The following GRIP1 variants were observed in gnomAD, a reference collection of about 807,000 sequenced individuals.
GRIP1 encodes glutamate receptor interacting protein 1.
A neutral mutation model predicts 129.9 loss-of-function variants in GRIP1; 45 were observed. The ratio of observed to expected loss-of-function variants is 0.35; its 90% CI spans 0.27 to 0.44. The LOEUF is 0.44. Ranked by LOEUF, GRIP1 falls within the 20% of genes least tolerant of loss-of-function variation. The probability of loss-of-function intolerance (pLI) is 1.00; values close to 1 mark genes in which losing one functional copy is unlikely to be tolerated. For missense variants in GRIP1, 1,196 were observed against 1,396.8 expected (o/e 0.86, Z 2.29); for synonymous variants, 530 against 520.8 (o/e 1.02, Z -0.24).
At chr12:66,860,276 G>A (rs2040088556) in intron 1 of GRIP1, among the ~76,000 whole-genome samples, 1 of 152,046 alleles carries the variant, frequency 6.6e-6, no homozygotes. Context: ...CTTGCTGTGT[G>A]AATGCTTTGC....
chr12:66,490,257 C>T (rs572394053), intron 7 of GRIP1, among the ~76,000 whole-genome samples: 2 of 152,274 alleles, frequency 1.3e-5, no homozygotes, highest in South Asian at 2.1e-4. Context: ...ACCAAAACAA[C>T]ATGGTACTGG....
At chr12:67,032,883 T>A (rs2043043145) in intron 1 of GRIP1, among the ~76,000 whole-genome samples, 1 of 152,186 alleles carries the variant, frequency 6.6e-6, no homozygotes. Context: ...TTTAATATTT[T>A]ATTTAACATT....
chr12:66,775,179 A>G (rs1406179743), intron 1 of GRIP1, among the ~76,000 whole-genome samples: 1 of 152,214 alleles, frequency 6.6e-6, no homozygotes, highest in Non-Finnish European at 1.5e-5. Context: ...GATGTTTTTA[A>G]GGAGCACAGA....
At chr12:66,742,194 G>T (rs2036809866) in intron 1 of GRIP1, among the ~76,000 whole-genome samples, 1 of 152,056 alleles carries the variant, frequency 6.6e-6, no homozygotes, top group Non-Finnish European at 1.5e-5. Context: ...GAGAGGTCTG[G>T]TGTTTCTTTC....
intron 1 of GRIP1, among the ~76,000 whole-genome samples, chr12:66,696,291 G>A (rs1277002525): frequency 1.3e-5 from 2 of 152,088 alleles, no homozygotes; most frequent in Non-Finnish European, 2.9e-5. Context: ...AGCTCTGCAA[G>A]CTCCTTGTCA....
At chr12:66,732,599 T>C (rs2036474806) in intron 1 of GRIP1, among the ~76,000 whole-genome samples, 1 of 151,998 alleles carries the variant, frequency 6.6e-6, no homozygotes, top group Admixed American at 6.6e-5. Context: ...TTGATGACAC[T>C]CTTCCACTTA....
At chr12:66,804,295 C>T, upstream of GRIP1, 1 of 297,144 alleles carries the variant, frequency 3.4e-6, no homozygotes, top group Non-Finnish European at 6.9e-6. Context: ...TGGACCAGGA[C>T]AGCTACCCTT....
intron 1 of GRIP1, among the ~76,000 whole-genome samples, chr12:67,051,059 C>T (rs899789482): frequency 5.3e-5 from 8 of 152,116 alleles, no homozygotes; most frequent in African/African-American, 1.9e-4. Context: ...GACAGACCAG[C>T]AGAAGACATT....
chr12:66,578,860 C>T (rs1473859985), intron 2 of GRIP1, among the ~76,000 whole-genome samples: 1 of 152,210 alleles, frequency 6.6e-6, no homozygotes, highest in Admixed American at 6.5e-5. Context: ...CAGCAGTAAC[C>T]TCTGCAGACT....
intron 16 of GRIP1, among the ~76,000 whole-genome samples, chr12:66,399,647 T>C (rs1182673472): frequency 6.6e-6 from 1 of 151,974 alleles, no homozygotes; most frequent in Non-Finnish European, 1.5e-5. Context: ...GATGCAAAAT[T>C]GCTGCATTAC....
At chr12:66,482,591 T>C (rs1300377380) in intron 7 of GRIP1, among the ~76,000 whole-genome samples, 1 of 152,220 alleles carries the variant, frequency 6.6e-6, no homozygotes, top group Non-Finnish European at 1.5e-5. Flanking sequence ...CCTTGTGGTA[T>C]TAAGCCTGTT....
chr12:66,515,924 T>C (rs1001063653), intron 6 of GRIP1, among the ~76,000 whole-genome samples, 160 bp from the exon 7 acceptor site: 4 of 152,116 alleles, frequency 2.6e-5, no homozygotes, highest in Non-Finnish European at 5.9e-5. Flanking sequence ...TATAAAGAAG[T>C]AACCCTGAAC....
chr12:67,065,269 G>A (rs895869911), intron 1 of GRIP1: 2 of 152,136 alleles, frequency 1.3e-5, no homozygotes, highest in Non-Finnish European at 2.9e-5. Context: ...AGCCCAGGAG[G>A]TAGAGGCTAC....
chr12:66,617,283 C>CAAAA (rs2065083180), intron 1 of GRIP1, among the ~76,000 whole-genome samples: 1 of 53,886 alleles, frequency 1.9e-5, no homozygotes, highest in African/African-American at 9.0e-5. Flanking sequence ...ACACAGCCAA[C>CAAAA]AAGAAAAAAA....
chr12:66,628,024 T>C (rs1565922365), intron 1 of GRIP1, among the ~76,000 whole-genome samples: 1 of 152,016 alleles, frequency 6.6e-6, no homozygotes, highest in Non-Finnish European at 1.5e-5. Flanking sequence ...TGCCCAGAGC[T>C]GTAAGGACGA....
At chr12:66,908,434 G>C (rs1390481906) in intron 1 of GRIP1, among the ~76,000 whole-genome samples, 2 of 152,218 alleles carry the variant, frequency 1.3e-5, no homozygotes, top group Non-Finnish European at 2.9e-5. Flanking sequence ...AAAAGGATAA[G>C]TGCTGAAAAT....
At chr12:66,410,249 CAAAAAAAAA>C (rs1177155122) in intron 15 of GRIP1, among the ~76,000 whole-genome samples, 1 of 47,430 alleles carries the variant, frequency 2.1e-5, no homozygotes, top group East Asian at 6.5e-4. Context: ...GACTCCGTCT[CAAAAAAAAA>C]AAAAAAAAAA....
chr12:66,973,819 T>C (rs1171864862), intron 1 of GRIP1, among the ~76,000 whole-genome samples: 1 of 151,978 alleles, frequency 6.6e-6, no homozygotes, highest in Admixed American at 6.6e-5. Flanking sequence ...CCTAATGTAA[T>C]CCAGGCATTA....
chr12:66,432,474 C>T, intron 14 of GRIP1, 74 bp downstream of exon 14: 1 of 879,630 alleles, frequency 1.1e-6, no homozygotes. Flanking sequence ...ACATTTGTTA[C>T]ACCTGCAAAC....
Sources: gnomAD v4.1 joint callset for allele counts (sites outside exome capture counted in the v4.1 genomes callset) on GRCh38, gnomAD v4.1.1 for gene constraint, MANE v1.5 for transcripts, NCBI Gene and HGNC (gene_info 2026-07-23, HGNC 2026-07-21) for gene names.